The following KHDRBS2 variants were observed in gnomAD, a reference collection of about 807,000 sequenced individuals.
KHDRBS2 encodes KH RNA binding domain containing, signal transduction associated 2.
Under a neutral mutation model 44.3 loss-of-function variants are expected in KHDRBS2, and 26 were observed. That is an observed-to-expected ratio of 0.59 (90% CI 0.43 to 0.81). KHDRBS2 has a LOEUF of 0.81. KHDRBS2 is among the 40% of genes least tolerant of loss of function. KHDRBS2 has a pLI of 0.00. For synonymous variants in KHDRBS2, 194 were observed against 151.1 expected (o/e 1.28, Z -2.08); for missense variants, 476 against 433.1 (o/e 1.10, Z -0.88).
chr6:61,989,405 T>C (rs1310149907), intron 3 of KHDRBS2, among the ~76,000 whole-genome samples: 1 of 152,232 alleles, frequency 6.6e-6, no homozygotes, highest in Non-Finnish European at 1.5e-5. Flanking sequence ...TTCCTTTGGA[T>C]AAAGCTAATT....
intron 3 of KHDRBS2, among the ~76,000 whole-genome samples, chr6:61,995,250 T>C (rs1393400259): frequency 2.0e-5 from 3 of 151,886 alleles, no homozygotes; most frequent in African/African-American, 7.3e-5. Flanking sequence ...TTGAGAAGAG[T>C]TGAATGGTAA....
At chr6:61,573,349 C>T in the KHDRBS2 span, among the ~76,000 whole-genome samples, 2 of 152,168 alleles carry the variant, frequency 1.3e-5, no homozygotes, top group African/African-American at 4.8e-5. Flanking sequence ...ACATTCCATG[C>T]TCATGGATGG....
rs1441912811 is a variant in KHDRBS2, at chr6:61,945,110, AAAGTATATAT to A, written c.483+32946_483+32955del. 5.4e-3 allele frequency among the ~76,000 whole-genome samples: 250 copies of A among 46,266 alleles called. 15 individuals are homozygous for A. Among genetic ancestry groups the A allele is most frequent in the South Asian group, 0.046 (63 of 1,370 alleles). The allele number at this position is 46,266 out of a possible 152,430, so 30.4% of individuals were successfully genotyped here. ...TGTCTTAAAAAAAAAAAAAAAAAAA[AAAGTATATAT>A]ATATATATATATATATATATATATA... On this transcript the variant is annotated intron_variant, in intron 4 of 8. Coordinates refer to ENST00000281156, the MANE Select transcript of KHDRBS2 (RefSeq NM_152688.4).
At chr6:61,738,272 T>C (rs1047179908) in intron 6 of KHDRBS2, among the ~76,000 whole-genome samples, 13 of 152,044 alleles carry the variant, frequency 8.6e-5, no homozygotes, top group African/African-American at 2.9e-4. Flanking sequence ...ATTTTAACTT[T>C]ACTTTCTTCT....
intron 4 of KHDRBS2, among the ~76,000 whole-genome samples, chr6:61,958,710 T>A (rs1306950852): frequency 1.3e-5 from 2 of 152,188 alleles, no homozygotes; most frequent in Non-Finnish European, 2.9e-5. Context: ...GAACCTGATC[T>A]TACATAAAAT....
At chr6:61,915,068 A>G (rs1806751907) in intron 4 of KHDRBS2, among the ~76,000 whole-genome samples, 1 of 152,074 alleles carries the variant, frequency 6.6e-6, no homozygotes. Flanking sequence ...AGGAGTGGAC[A>G]GTAGAAGGGT....
chr6:62,275,216 T>A (rs189072601), intron 1 of KHDRBS2, among the ~76,000 whole-genome samples: 2 of 152,276 alleles, frequency 1.3e-5, no homozygotes, highest in Admixed American at 1.3e-4. Context: ...TTCAGAAGAC[T>A]AGCTTAATAC....
At chr6:62,151,362 A>C (rs1272133710) in intron 2 of KHDRBS2, among the ~76,000 whole-genome samples, 1 of 152,140 alleles carries the variant, frequency 6.6e-6, no homozygotes, top group Non-Finnish European at 1.5e-5. Context: ...CTTCACAATC[A>C]CAGTCCCAGA....
chr6:61,780,222 C>T (rs1463663634), intron 6 of KHDRBS2, among the ~76,000 whole-genome samples: 4 of 152,098 alleles, frequency 2.6e-5, no homozygotes, highest in African/African-American at 7.2e-5. Context: ...TGTTGAAGGC[C>T]GGATGCGGTG....
intron 1 of KHDRBS2, among the ~76,000 whole-genome samples, chr6:62,268,011 G>T (rs1488812111): frequency 6.6e-6 from 1 of 152,000 alleles, no homozygotes; most frequent in Non-Finnish European, 1.5e-5. Flanking sequence ...AGAAAACAAA[G>T]TATTTTTCTT....
At position 62,137,941 on chromosome 6, in the gene KHDRBS2, A is replaced by G. The variant is rs1811924102; in HGVS notation, c.219+39244T>C. On this transcript the variant is annotated intron_variant, in intron 2 of 8. Transcript: ENST00000281156. Reference sequence around the variant, plus strand: ...TAGCTGTGATCTTGATATCACATCAAAATTTCACAATGTGCTGTCTTTCCA... The same window carrying G: ...TAGCTGTGATCTTGATATCACATCAGAATTTCACAATGTGCTGTCTTTCCA... Among the ~76,000 whole-genome samples the G allele has an allele frequency of 3.3e-5, 5 of 152,240 alleles. No individual in the cohort carries two copies. In the South Asian group the frequency reaches 8.3e-4, roughly 25 times the overall value.
At chr6:62,123,515 C>T (rs1374618731) in intron 2 of KHDRBS2, among the ~76,000 whole-genome samples, 2 of 152,160 alleles carry the variant, frequency 1.3e-5, no homozygotes, top group African/African-American at 4.8e-5. Context: ...TTTTATAAAA[C>T]ATGCCACAAA....
rs576090201 is a variant in KHDRBS2 at position 61,974,306 on chromosome 6, A to G, written c.483+3760T>C. ...TAGAGTTGCACAAGACACAACTCTCACAACCATATGTGGCAATCCTGGTGT... is the reference window on the plus strand; with the variant it reads ...TAGAGTTGCACAAGACACAACTCTCGCAACCATATGTGGCAATCCTGGTGT... On this transcript the variant is annotated intron_variant, in intron 4 of 8. Transcript: ENST00000281156. 3.9e-5 allele frequency among the ~76,000 whole-genome samples: 6 copies of G among 152,248 alleles called. No homozygotes were observed. The East Asian group carries it at 7.7e-4, about 20-fold the overall frequency.
At chr6:61,985,865 C>A (rs554435617) in intron 3 of KHDRBS2, among the ~76,000 whole-genome samples, 39 of 152,128 alleles carry the variant, frequency 2.6e-4, no homozygotes, top group Non-Finnish European at 4.6e-4. Context: ...TGATACATGA[C>A]CAGCAAAATT....
In KHDRBS2 at chr6:61,892,053, T is replaced by A. The variant is rs1801941383; in HGVS notation, c.810+2582A>T. ...AAGCTAATAAGCAACTTCAGCAAAG[T>A]CTCAAGATACAAAATCAATGTGCAA... On this transcript the variant is annotated intron_variant, in intron 6 of 8. Coordinates refer to ENST00000281156, the MANE Select transcript of KHDRBS2 (RefSeq NM_152688.4). 2.6e-5 allele frequency among the ~76,000 whole-genome samples: 4 copies of A among 152,158 alleles called. 1 individual carries two copies. Among genetic ancestry groups the A allele is most frequent in the African/African-American group, 7.2e-5 (3 of 41,444 alleles).
intron 2 of KHDRBS2, among the ~76,000 whole-genome samples, chr6:62,083,154 A>T (rs1277437845): frequency 6.8e-6 from 1 of 147,952 alleles, no homozygotes; most frequent in Non-Finnish European, 1.5e-5. Context: ...TAGCCATAAA[A>T]ACCCCAGGCT....
intron 2 of KHDRBS2, among the ~76,000 whole-genome samples, chr6:62,139,704 C>G (rs1812366481): frequency 6.6e-6 from 1 of 152,134 alleles, no homozygotes; most frequent in Non-Finnish European, 1.5e-5. Flanking sequence ...ACAATATACA[C>G]TTAATCTGAG....
chr6:61,885,842 C>T (rs1338662938), intron 6 of KHDRBS2, among the ~76,000 whole-genome samples: 1 of 152,076 alleles, frequency 6.6e-6, no homozygotes, highest in African/African-American at 2.4e-5. Flanking sequence ...AAAGTCACTC[C>T]TTCACTGTCC....
At chr6:62,071,844 A>G (rs1022094145) in intron 2 of KHDRBS2, among the ~76,000 whole-genome samples, 9 of 151,874 alleles carry the variant, frequency 5.9e-5, no homozygotes, top group East Asian at 1.9e-4. Flanking sequence ...TGTTCCATAT[A>G]AACTTTAAAG....
Sources: gnomAD v4.1 joint callset for allele counts (sites outside exome capture counted in the v4.1 genomes callset) on GRCh38, gnomAD v4.1.1 for gene constraint, MANE v1.5 for transcripts, NCBI Gene and HGNC (gene_info 2026-07-23, HGNC 2026-07-21) for gene names.